Variants in AGBL1 observed in about 807,000 individuals in gnomAD.
The protein encoded by AGBL1 is cytosolic carboxypeptidase 4.
In AGBL1, 130 loss-of-function variants were observed where a neutral mutation model predicts 118.9. The ratio of observed to expected loss-of-function variants is 1.09; its 90% CI spans 0.95 to 1.26. The LOEUF is 1.26. Ranked by LOEUF, AGBL1 falls within the 50% of genes most tolerant of loss-of-function variation. AGBL1 has a pLI of 0.00. For synonymous variants in AGBL1, 555 were observed against 478.9 expected, an observed-to-expected ratio of 1.16 and a Z score of -2.08; for missense variants, 1,584 against 1,298.1, an observed-to-expected ratio of 1.22 and a Z score of -3.38.
At chr15:86,463,685 A>C (rs8041518) in intron 18 of AGBL1, among the ~76,000 whole-genome samples, 57,657 of 152,060 alleles carry the variant, frequency 0.38, 12,037 homozygotes, top group Middle Eastern at 0.52. Flanking sequence ...AACACCATTT[A>C]TTAAATAGGG....
intron 5 of AGBL1, among the ~76,000 whole-genome samples, chr15:86,187,068 G>A (rs948623893): frequency 9.9e-5 from 15 of 152,092 alleles, no homozygotes; most frequent in Admixed American, 3.9e-4. Flanking sequence ...CTGCTTCTTC[G>A]TTTTTGTGTT....
intron 22 of AGBL1, among the ~76,000 whole-genome samples, chr15:86,712,051 A>G (rs972095340): frequency 2.6e-5 from 4 of 152,156 alleles, no homozygotes; most frequent in Admixed American, 6.6e-5. Context: ...GCTGAGTGCT[A>G]TCTGAGCTCA....
intron 23 of AGBL1, among the ~76,000 whole-genome samples, chr15:86,951,581 T>C (rs1378531907): frequency 6.6e-6 from 1 of 152,224 alleles, no homozygotes; most frequent in Non-Finnish European, 1.5e-5. Flanking sequence ...AACTGATTTA[T>C]ATTAATTTTA....
rs376422413 is a variant in AGBL1, at chr15:86,098,894, C to T, written c.51+18871C>T. ...AGGATTGGATTGAATCTGTAGATTG[C>T]TTTGGGTAGTATGGTTGTTTTAACA... On this transcript the variant is annotated intron_variant, in intron 1 of 22. Transcript: ENST00000614907. 6.6e-5 allele frequency among the ~76,000 whole-genome samples: 10 copies of T among 151,984 alleles called. No individual in the cohort carries two copies. The East Asian group carries it at 1.4e-3, about 21-fold the overall frequency.
intron 18 of AGBL1, among the ~76,000 whole-genome samples, chr15:86,518,070 C>T (rs552568680): frequency 5.3e-5 from 8 of 152,320 alleles, no homozygotes; most frequent in Non-Finnish European, 1.2e-4. Context: ...AGCCTGGCAT[C>T]ATTCATTCAG....
At chr15:86,598,512 A>G (rs1459110118) in intron 21 of AGBL1, among the ~76,000 whole-genome samples, 1 of 152,126 alleles carries the variant, frequency 6.6e-6, no homozygotes, top group Non-Finnish European at 1.5e-5. Context: ...CGACTAGCCC[A>G]AAAGGGATGT....
intron 18 of AGBL1, among the ~76,000 whole-genome samples, chr15:86,517,784 CTT>C (rs1346152033): frequency 6.6e-6 from 1 of 150,692 alleles, no homozygotes; most frequent in Non-Finnish European, 1.5e-5. Context: ...ATGAAGTTGT[CTT>C]TTGGTTTTTT....
chr15:86,949,813 A>G (rs1398931667), intron 23 of AGBL1, among the ~76,000 whole-genome samples: 2 of 152,142 alleles, frequency 1.3e-5, no homozygotes, highest in African/African-American at 4.8e-5. Flanking sequence ...ATATGAACAC[A>G]TATAGAACCT....
intron 24 of AGBL1, among the ~76,000 whole-genome samples, chr15:87,007,120 A>G (rs1481953144): frequency 1.3e-5 from 2 of 152,212 alleles, no homozygotes; most frequent in African/African-American, 4.8e-5. Context: ...AATCACAGAA[A>G]TTATGCCTTT....
At position 86,184,079 on chromosome 15, in the gene AGBL1, T is replaced by G. The variant is rs1349140612; in HGVS notation, c.488+25053T>G. On this transcript the variant is annotated intron_variant, in intron 5 of 22. Transcript: ENST00000614907. ...GACAGAAAGAGATAAAGTGTTATAA[T>G]GTCTTATTGATAGAGATGTGATTTC... 2.0e-5 allele frequency among the ~76,000 whole-genome samples: 3 copies of G among 152,318 alleles called. No individual in the cohort carries two copies. The East Asian group carries it at 5.8e-4, about 29-fold the overall frequency.
At chr15:86,928,924 A>T (rs896770903) in intron 23 of AGBL1, among the ~76,000 whole-genome samples, 13 of 152,144 alleles carry the variant, frequency 8.5e-5, no homozygotes, top group Non-Finnish European at 2.9e-5. Flanking sequence ...TTTACCATTT[A>T]ACCATTTAAA....
chr15:86,535,125 A>C (rs1257866293), intron 19 of AGBL1, among the ~76,000 whole-genome samples: 1 of 152,244 alleles, frequency 6.6e-6, no homozygotes, highest in Non-Finnish European at 1.5e-5. Flanking sequence ...ACTAGCATAC[A>C]GGCATGTGAG....
intron 22 of AGBL1, among the ~76,000 whole-genome samples, chr15:86,686,766 C>G (rs2086065412): frequency 6.6e-6 from 1 of 152,054 alleles, no homozygotes; most frequent in African/African-American, 2.4e-5. Flanking sequence ...GAATTTTTAT[C>G]ATCTCTCACA....
chr15:86,328,299 C>A (rs532925677), intron 17 of AGBL1, among the ~76,000 whole-genome samples: 1 of 151,968 alleles, frequency 6.6e-6, no homozygotes, highest in East Asian at 1.9e-4. Context: ...ACAAAGTGAA[C>A]AAGTGAGAGA....
intron 1 of AGBL1, among the ~76,000 whole-genome samples, chr15:86,108,474 C>T (rs1897177829): frequency 6.6e-6 from 1 of 152,158 alleles, no homozygotes; most frequent in South Asian, 2.1e-4. Context: ...GATTAGAGTG[C>T]ACCCTACAAA....
intron 17 of AGBL1, among the ~76,000 whole-genome samples, chr15:86,307,946 G>T (rs1309586229): frequency 6.6e-6 from 1 of 152,062 alleles, no homozygotes; most frequent in African/African-American, 2.4e-5. Context: ...CTACCTCAGA[G>T]TAACTACCAT....
At chr15:86,402,851 A>G (rs2081468290) in intron 18 of AGBL1, among the ~76,000 whole-genome samples, 1 of 152,206 alleles carries the variant, frequency 6.6e-6, no homozygotes, top group Non-Finnish European at 1.5e-5. Context: ...CTGAACAGGG[A>G]AAGAAAATAC....
intron 11 of AGBL1, among the ~76,000 whole-genome samples, chr15:86,265,595 T>C (rs1051058854): frequency 1.3e-5 from 2 of 152,202 alleles, no homozygotes; most frequent in South Asian, 2.1e-4. Context: ...CTCTTGATGG[T>C]AAATCCCCCA....
At chr15:86,123,565 C>A (rs1898221494) in intron 1 of AGBL1, among the ~76,000 whole-genome samples, 1 of 152,132 alleles carries the variant, frequency 6.6e-6, no homozygotes, top group African/African-American at 2.4e-5. Context: ...TTAACTAAGT[C>A]ATTCCTTTCT....
Sources: gnomAD v4.1 joint callset for allele counts (sites outside exome capture counted in the v4.1 genomes callset) on GRCh38, gnomAD v4.1.1 for gene constraint, MANE v1.5 for transcripts, NCBI Gene and HGNC (gene_info 2026-07-23, HGNC 2026-07-21) for gene names.